Variants in SLC8A3 observed in about 807,000 individuals in gnomAD.
The protein encoded by SLC8A3 is solute carrier family 8 member A3, also known as sodium/calcium exchanger 3.
A neutral mutation model predicts 65.4 loss-of-function variants in SLC8A3; 37 were observed. That is an observed-to-expected ratio of 0.57 (90% confidence interval 0.44 to 0.74). The LOEUF is 0.74. Ranked by LOEUF, SLC8A3 falls within the 30% of genes least tolerant of loss-of-function variation. The pLI is 0.00. For missense variants in SLC8A3, 1,112 were observed against 1,172.1 expected, an observed-to-expected ratio of 0.95 and a Z score of 0.75; for synonymous variants, 461 against 444.5, an observed-to-expected ratio of 1.04 and a Z score of -0.47.
intron 1 of SLC8A3, 92 bp from the exon 2 acceptor site, chr14:70,168,576 A>G (rs1456005123): frequency 3.2e-6 from 2 of 615,736 alleles, no homozygotes; most frequent in South Asian, 2.0e-5. Flanking sequence ...CTTCACCTCC[A>G]GTGACATATT....
chr14:70,091,728 A>C (rs1019167911), intron 2 of SLC8A3, among the ~76,000 whole-genome samples: 1 of 152,078 alleles, frequency 6.6e-6, no homozygotes, highest in Non-Finnish European at 1.5e-5. Context: ...ACTTACTTCA[A>C]ACTTAGCTGA....
chr14:70,154,560 C>A (rs1232919962), intron 2 of SLC8A3, among the ~76,000 whole-genome samples: 1 of 152,168 alleles, frequency 6.6e-6, no homozygotes, highest in Non-Finnish European at 1.5e-5. Flanking sequence ...ATGCTGGGTG[C>A]AAAATCTTTC....
At chr14:70,073,762 C>T (rs890343422) in intron 2 of SLC8A3, among the ~76,000 whole-genome samples, 2 of 152,092 alleles carry the variant, frequency 1.3e-5, no homozygotes, top group Non-Finnish European at 2.9e-5. Flanking sequence ...ATTGTATACA[C>T]GTGAAACACT....
At chr14:70,179,104 T>C (rs1594818367) in intron 1 of SLC8A3, among the ~76,000 whole-genome samples, 2 of 152,300 alleles carry the variant, frequency 1.3e-5, no homozygotes, top group East Asian at 1.9e-4. Context: ...GACTTTTGCA[T>C]CTACTGTTCT....
chr14:70,177,268 T>C (rs1897966396), intron 1 of SLC8A3, among the ~76,000 whole-genome samples: 1 of 152,230 alleles, frequency 6.6e-6, no homozygotes, highest in Admixed American at 6.5e-5. Context: ...CTCCCATCTT[T>C]GGCAGTGTTC....
chr14:70,176,793 C>G (rs779261403), intron 1 of SLC8A3, among the ~76,000 whole-genome samples: 1 of 152,342 alleles, frequency 6.6e-6, no homozygotes, highest in South Asian at 2.1e-4. Flanking sequence ...TATACTTGTA[C>G]TCATGAAATA....
chr14:70,049,112 C>G (rs1887157461), intron 5 of SLC8A3, 70 bp from the exon 6 acceptor site: 1 of 1,430,338 alleles, frequency 7.0e-7, no homozygotes, highest in African/African-American at 1.4e-5. Flanking sequence ...AAAGTCAAGC[C>G]CAACCCGCAC....
chr14:70,185,247 G>A (rs548202014), intron 1 of SLC8A3, among the ~76,000 whole-genome samples: 43 of 152,318 alleles, frequency 2.8e-4, no homozygotes, highest in Admixed American at 7.2e-4. Flanking sequence ...GATTACAGGC[G>A]TGAGCCACCA....
At chr14:70,170,435 A>T (rs192635354) in intron 1 of SLC8A3, among the ~76,000 whole-genome samples, 75 of 152,304 alleles carry the variant, frequency 4.9e-4, no homozygotes, top group African/African-American at 1.8e-3. Context: ...CATCCAATAA[A>T]CAGTGAATGA....
intron 2 of SLC8A3, among the ~76,000 whole-genome samples, chr14:70,085,883 C>G (rs1278527552): frequency 6.6e-6 from 1 of 152,192 alleles, no homozygotes; most frequent in African/African-American, 2.4e-5. Flanking sequence ...ACTATTATTA[C>G]TCCTCTCTCA....
intron 2 of SLC8A3, among the ~76,000 whole-genome samples, chr14:70,125,611 C>G (rs61977447): frequency 0.11 from 16,075 of 152,096 alleles, 1,135 homozygotes; most frequent in Non-Finnish European, 0.16. Flanking sequence ...CATATTTTTG[C>G]TACTGTGGAT....
In SLC8A3 at chr14:70,167,994, G is replaced by A. The variant is rs1897278831; in HGVS notation, c.429C>T (p.Ser143=). 1.9e-6 allele frequency: 3 copies of A among 1,614,018 alleles called. No homozygotes were observed. Among genetic ancestry groups the A allele is most frequent in the African/African-American group, 2.7e-5 (2 of 74,914 alleles). The change falls in exon 2 of 7, where the codon TCC becomes TCT. Residue 143 remains serine (S), a synonymous_variant. Transcript: ENST00000356921. ...VSNLTLMALG[S]SAPEILLSLI... Reference sequence around the variant, plus strand: ...AAGAGAGGAGTATCTCAGGAGCAGAGGAACCCAGGGCCATAAGGGTCAGGT... The same window carrying A: ...AAGAGAGGAGTATCTCAGGAGCAGAAGAACCCAGGGCCATAAGGGTCAGGT...
At chr14:70,105,056 G>A (rs1349794200) in intron 2 of SLC8A3, among the ~76,000 whole-genome samples, 4 of 152,166 alleles carry the variant, frequency 2.6e-5, no homozygotes, top group African/African-American at 4.8e-5. Context: ...TCGGCCAGGC[G>A]CGGTGGCTCA....
At chr14:70,057,793 C>T (rs1028309391) in intron 3 of SLC8A3, among the ~76,000 whole-genome samples, 1 of 152,132 alleles carries the variant, frequency 6.6e-6, no homozygotes, top group African/African-American at 2.4e-5. Context: ...CTGGAAAGAG[C>T]ATAGGACTGT....
At chr14:70,099,810 G>A (rs34562553) in intron 2 of SLC8A3, among the ~76,000 whole-genome samples, 1,662 of 152,286 alleles carry the variant, frequency 0.011, 24 homozygotes, top group Non-Finnish European at 0.014. Context: ...TGGGTGCAGG[G>A]ATCCTGGGCC....
chr14:70,162,552 A>ACTATT (rs1317278399), intron 2 of SLC8A3, among the ~76,000 whole-genome samples: 7 of 152,180 alleles, frequency 4.6e-5, no homozygotes, highest in Non-Finnish European at 1.0e-4. Context: ...TGTGGCTTTG[A>ACTATT]CTATTCCCAG....
At chr14:70,099,039 T>A (rs897114753) in intron 2 of SLC8A3, among the ~76,000 whole-genome samples, 1 of 152,196 alleles carries the variant, frequency 6.6e-6, no homozygotes, top group Non-Finnish European at 1.5e-5. Context: ...GGTGGTTCAA[T>A]GATCCCCAGT....
Position 70,167,423 on chromosome 14 carries a change from G to T in SLC8A3, c.1000C>A (p.Gln334Lys). The change falls in exon 2 of 7, where the codon CAG becomes AAG. Residue 334 changes from glutamine (Q) to lysine (K), a missense_variant. Physicochemically the swap from Gln to Lys is moderately conservative, Grantham distance 53. Transcript: ENST00000356921. ...TAGTAATTGGCCATCTCCACCAGCT[G>T]ATCTAAGTCCTTCTCTGGGTGTTTT... is the stretch of plus-strand genomic sequence containing the variant. ...KQKHPEKDLD[Q>K]LVEMANYYAL... is the part of the protein sequence containing the mutation. 1 of 1,614,122 alleles carries T rather than the reference G, an allele frequency of 6.2e-7. No individual in the cohort carries two copies. Among genetic ancestry groups the T allele is most frequent in the Non-Finnish European group, 8.5e-7 (1 of 1,180,020 alleles).
intron 2 of SLC8A3, among the ~76,000 whole-genome samples, chr14:70,064,104 TG>T (rs896950344): frequency 1.8e-4 from 28 of 152,228 alleles, no homozygotes; most frequent in Admixed American, 3.3e-4. Flanking sequence ...CCAGCCTCAC[TG>T]GGCTCCTCCT....
Sources: allele counts gnomAD v4.1 joint callset (sites outside exome capture counted in the v4.1 genomes callset), GRCh38; gene constraint gnomAD v4.1.1; transcripts MANE v1.5; gene names NCBI Gene and HGNC (gene_info 2026-07-23, HGNC 2026-07-21).